Variants in BBX observed in about 807,000 individuals in gnomAD.
The protein encoded by BBX is BBX high mobility group box domain containing.
BBX carries 30 observed loss-of-function variants against 100.2 expected under a neutral mutation model. The ratio of observed to expected loss-of-function variants is 0.30; its 90% CI spans 0.22 to 0.41. BBX has a LOEUF of 0.41. BBX is among the 10% of genes least tolerant of loss of function. BBX has a pLI of 1.00. For missense variants in BBX, 1,023 were observed against 1,129.8 expected (o/e 0.91, Z 1.35); for synonymous variants, 376 against 388.1 (o/e 0.97, Z 0.37).
At chr3:107,754,268 T>C (rs866457007) in intron 9 of BBX, among the ~76,000 whole-genome samples, 3 of 152,218 alleles carry the variant, frequency 2.0e-5, no homozygotes, top group Admixed American at 2.0e-4. Flanking sequence ...TTGTTTTCTC[T>C]TAGTCTCCTG....
intron 3 of BBX, among the ~76,000 whole-genome samples, chr3:107,664,036 A>G (rs915329437): frequency 6.6e-6 from 1 of 152,064 alleles, no homozygotes; most frequent in African/African-American, 2.4e-5. Flanking sequence ...CGATCTCCTG[A>G]CCTTGTGATC....
chr3:107,532,065 T>C (rs9852806), intron 2 of BBX, among the ~76,000 whole-genome samples: 18,518 of 151,826 alleles, frequency 0.12, 1,424 homozygotes, highest in Middle Eastern at 0.2. Flanking sequence ...GGTGGTGGTG[T>C]GTGCCTGTAG....
rs1049891358 is a variant in BBX at position 107,601,163 on chromosome 3, TTG to T, written c.-83-44667_-83-44666del. On this transcript the variant is annotated intron_variant, in intron 2 of 17. Coordinates refer to ENST00000325805, the MANE Select transcript of BBX (RefSeq NM_001142568.3). ...CAACTGCAAACTTAATTGGTAAAAG[TTG>T]TGTGTTCTGATTGCTCCACCCACTG... Among the ~76,000 whole-genome samples, 9 of 152,290 alleles carry T rather than the reference TTG, an allele frequency of 5.9e-5. No homozygotes were observed. In the East Asian group the frequency reaches 1.5e-3, roughly 26 times the overall value.
intron 2 of BBX, among the ~76,000 whole-genome samples, chr3:107,583,151 C>T (rs1016817787): frequency 2.6e-5 from 4 of 151,462 alleles, no homozygotes; most frequent in Non-Finnish European, 5.9e-5. Context: ...TGGGACTTGT[C>T]GGATATCAGT....
intron 11 of BBX, among the ~76,000 whole-genome samples, chr3:107,774,302 G>T (rs1204047579): frequency 1.3e-5 from 2 of 152,168 alleles, no homozygotes; most frequent in East Asian, 3.8e-4. Context: ...CAAGACATGT[G>T]TGAGTCCTAG....
Position 107,807,611 on chromosome 3 carries a change from A to G in BBX, c.*2154A>G, listed in dbSNP as rs1296352218. On this transcript the variant is annotated 3_prime_UTR_variant, in exon 18 of 18. Transcript: ENST00000325805. ...AACTTGTTATTCTATAGAACACGTT[A>G]GAATAGATCTATTTTTGCCAGAGCA... 6.6e-6 allele frequency: 1 copy of G among 152,186 alleles called. No homozygotes were observed. Among genetic ancestry groups the G allele is most frequent in the Non-Finnish European group, 1.5e-5 (1 of 68,028 alleles). 9.4% of individuals were successfully genotyped at this position (152,186 alleles called of 1,614,324 possible). A position where few individuals can be genotyped will look rare whatever the true frequency, so the allele number is the denominator to read the frequency against.
intron 3 of BBX, among the ~76,000 whole-genome samples, chr3:107,664,074 G>A (rs2058613892): frequency 6.6e-6 from 1 of 151,992 alleles, no homozygotes; most frequent in African/African-American, 2.4e-5. Flanking sequence ...CAAAATGCTG[G>A]GCTTACAAGT....
chr3:107,611,510 C>T (rs1243846183), intron 2 of BBX, among the ~76,000 whole-genome samples: 3 of 152,104 alleles, frequency 2.0e-5, no homozygotes, highest in Non-Finnish European at 4.4e-5. Context: ...ATATACTATT[C>T]TAGTGTAAAA....
intron 6 of BBX, 56 bp downstream of exon 6, chr3:107,729,016 CA>C: frequency 6.5e-7 from 1 of 1,544,898 alleles, no homozygotes; most frequent in South Asian, 1.2e-5. Flanking sequence ...TACATTTCGG[CA>C]GCATTTTAAA....
At position 107,772,683 on chromosome 3, in the gene BBX, A is replaced by C; in HGVS notation, c.962A>C (p.Lys321Thr). ...KMEESKLIKA[K>T]ESDGGRIKEL... ...GAAGAATCAAAGCTAATAAAAGCAA[A>C]AGAATCCGATGGTGGAAGAATTAAA... The change falls in exon 11 of 18, where the codon AAA becomes ACA. Residue 321 changes from lysine to threonine, a missense_variant. Physicochemically the swap from Lys to Thr is moderately conservative, Grantham distance 78. This residue lies in a region of BBX where 348 missense variants were observed against 353.2 expected (regional missense o/e 0.99). Coordinates refer to ENST00000325805, the MANE Select transcript of BBX (RefSeq NM_001142568.3). 6.2e-7 allele frequency: 1 copy of C among 1,602,068 alleles called. No individual in the cohort carries two copies. The highest frequency in any genetic ancestry group is 8.5e-7 in the Non-Finnish European group (1 of 1,177,280).
intron 2 of BBX, among the ~76,000 whole-genome samples, chr3:107,529,045 A>C (rs2047975674): frequency 1.3e-5 from 2 of 152,240 alleles, no homozygotes; most frequent in Admixed American, 1.3e-4. Flanking sequence ...ACTTTTTGAA[A>C]ACAGTTCCAT....
chr3:107,797,337 A>AATATGTATAT (rs1228150913), intron 15 of BBX, among the ~76,000 whole-genome samples: 2 of 39,326 alleles, frequency 5.1e-5, no homozygotes, highest in Non-Finnish European at 1.1e-4. Flanking sequence ...TTTTCTTCCA[A>AATATGTATAT]ATATATATAT....
At chr3:107,755,141 C>T (rs976516533) in intron 9 of BBX, among the ~76,000 whole-genome samples, 1 of 152,120 alleles carries the variant, frequency 6.6e-6, no homozygotes, top group Non-Finnish European at 1.5e-5. Flanking sequence ...TGTCATATGG[C>T]CTTGCACATA....
chr3:107,527,866 A>G (rs1475426103), intron 2 of BBX, among the ~76,000 whole-genome samples: 7 of 152,192 alleles, frequency 4.6e-5, no homozygotes, highest in African/African-American at 1.7e-4. Flanking sequence ...AGTATTCAAA[A>G]TGCATTCTTG....
chr3:107,779,692 C>A (rs1263398487), intron 13 of BBX, among the ~76,000 whole-genome samples: 1 of 152,020 alleles, frequency 6.6e-6, no homozygotes, highest in East Asian at 1.9e-4. Context: ...GATATAATTT[C>A]ATGCATTTTA....
At chr3:107,681,825 G>A (rs2059587297) in intron 3 of BBX, among the ~76,000 whole-genome samples, 1 of 152,074 alleles carries the variant, frequency 6.6e-6, no homozygotes, top group Non-Finnish European at 1.5e-5. Flanking sequence ...TTGCTTAACT[G>A]AGGGTAAATT....
At chr3:107,710,752 A>T in intron 4 of BBX, 130 bp downstream of exon 4, 1 of 820,546 alleles carries the variant, frequency 1.2e-6, no homozygotes, top group South Asian at 2.1e-5. Context: ...CTATTCAATT[A>T]CTTAGTTTAC....
intron 8 of BBX, among the ~76,000 whole-genome samples, chr3:107,745,419 T>G (rs2064493165): frequency 6.6e-6 from 1 of 152,168 alleles, no homozygotes; most frequent in South Asian, 2.1e-4. Context: ...CTTCCTGGTG[T>G]TTGCCCAACT....
chr3:107,587,127 A>G (rs533187052), intron 2 of BBX, among the ~76,000 whole-genome samples: 1 of 152,220 alleles, frequency 6.6e-6, no homozygotes, highest in East Asian at 1.9e-4. Flanking sequence ...TTTCTTATGA[A>G]TGTTTTTTAA....
Sources: allele counts gnomAD v4.1 joint callset (sites outside exome capture counted in the v4.1 genomes callset), GRCh38; gene constraint gnomAD v4.1.1; regional missense constraint gnomAD v4.1.1; transcripts MANE v1.5; gene names NCBI Gene and HGNC (gene_info 2026-07-23, HGNC 2026-07-21).